Variants in LRRIQ1 observed in about 807,000 individuals in gnomAD.
LRRIQ1 encodes the protein leucine rich repeats and IQ motif containing 1, also known as leucine-rich repeat- and IQ domain-containing protein 1.
In LRRIQ1, 210 loss-of-function variants were observed where a neutral mutation model predicts 211.9. The observed-to-expected ratio is 0.99, with a 90% CI of 0.89 to 1.11. The LOEUF (loss-of-function observed/expected upper bound fraction) is 1.11, where lower values mean the gene tolerates loss of function less well. Among genes scored for constraint, LRRIQ1 ranks in the 50% most tolerant of loss-of-function variants. The probability of loss-of-function intolerance (pLI) is 0.00; values close to 1 mark genes in which losing one functional copy is unlikely to be tolerated. For missense variants in LRRIQ1, 2,136 were observed against 1,939.5 expected, an observed-to-expected ratio of 1.10 and a Z score of -1.90; for synonymous variants, 699 against 650.1, an observed-to-expected ratio of 1.08 and a Z score of -1.14.
At chr12:85,085,488 C>T (rs558902924) in intron 11 of LRRIQ1, among the ~76,000 whole-genome samples, 3 of 152,244 alleles carry the variant, frequency 2.0e-5, no homozygotes, top group East Asian at 1.9e-4. Context: ...GTTTGTTACA[C>T]GGGTAAATGG....
chr12:85,267,537 A>C (rs1390587362), downstream of LRRIQ1, among the ~76,000 whole-genome samples: 1 of 152,108 alleles, frequency 6.6e-6, no homozygotes, highest in Non-Finnish European at 1.5e-5. Flanking sequence ...TATGGATGTG[A>C]GGTTTTCTCC....
chr12:85,053,763 A>G (rs1242961533), intron 7 of LRRIQ1, among the ~76,000 whole-genome samples: 1 of 152,176 alleles, frequency 6.6e-6, no homozygotes, highest in Non-Finnish European at 1.5e-5. Context: ...GCTGGAGTGC[A>G]GTGGCGCCAT....
intron 8 of LRRIQ1, 70 bp from the exon 9 acceptor site, chr12:85,065,192 A>G (rs1882299292): frequency 7.9e-7 from 1 of 1,258,220 alleles, no homozygotes; most frequent in African/African-American, 1.5e-5. Context: ...ACAGTTTTGT[A>G]AGGCTAATAT....
At chr12:85,099,095 ATGAGAT>A in intron 13 of LRRIQ1, 101 bp downstream of exon 13, 1 of 659,254 alleles carries the variant, frequency 1.5e-6, no homozygotes. Context: ...TAATAATTCA[ATGAGAT>A]TGCATCAAAA....
rs1051164580 is a variant in LRRIQ1, at chr12:85,244,644, C to G, written c.5017-145C>G. The G allele has an allele frequency of 5.6e-6, 4 of 715,342 alleles. No homozygotes were observed. The Admixed American group carries it at 9.2e-5, about 16-fold the overall frequency. The allele number at this position is 715,342 out of a possible 1,614,324, so 44.3% of individuals were successfully genotyped here. On this transcript the variant is annotated intron_variant, in intron 26 of 26. Transcript: ENST00000393217. Reference sequence around the variant, plus strand: ...CTTTGACATAGTGCATTTGTTCTGCCTGGGCAGCAATAAAGGATTGTGGTA... The same window carrying G: ...CTTTGACATAGTGCATTTGTTCTGCGTGGGCAGCAATAAAGGATTGTGGTA...
At chr12:85,135,399 G>A (rs972245258) in intron 18 of LRRIQ1, among the ~76,000 whole-genome samples, 1 of 151,452 alleles carries the variant, frequency 6.6e-6, no homozygotes, top group African/African-American at 2.4e-5. Flanking sequence ...TCTCTTTAAG[G>A]AATATTACTG....
intron 23 of LRRIQ1, among the ~76,000 whole-genome samples, chr12:85,159,836 A>G (rs925180117): frequency 3.3e-5 from 5 of 151,902 alleles, no homozygotes; most frequent in Non-Finnish European, 5.9e-5. Context: ...ATTCTTACTG[A>G]TAGTTCATAT....
intron 11 of LRRIQ1, among the ~76,000 whole-genome samples, chr12:85,074,175 A>T (rs549408824): frequency 6.6e-6 from 1 of 152,188 alleles, no homozygotes; most frequent in African/African-American, 2.4e-5. Context: ...AGAATAGTGA[A>T]TGTATCAATC....
chr12:85,051,105 A>G (rs1411845025), intron 6 of LRRIQ1, among the ~76,000 whole-genome samples: 1 of 152,016 alleles, frequency 6.6e-6, no homozygotes, highest in East Asian at 1.9e-4. Context: ...TCCCCATAGT[A>G]ATGACTGAGT....
chr12:85,164,797 G>C (rs1891069671), intron 24 of LRRIQ1, among the ~76,000 whole-genome samples: 1 of 151,986 alleles, frequency 6.6e-6, no homozygotes, highest in South Asian at 2.1e-4. Context: ...AATAAAGCTT[G>C]CAAAATCAAA....
At chr12:85,061,146 A>G (rs1406609024) in intron 8 of LRRIQ1, among the ~76,000 whole-genome samples, 1 of 151,762 alleles carries the variant, frequency 6.6e-6, no homozygotes, top group Non-Finnish European at 1.5e-5. Flanking sequence ...TCATTTATTT[A>G]TTTTAAGAAA....
At chr12:85,246,905 A>C (rs1436131105), downstream of LRRIQ1, among the ~76,000 whole-genome samples, 1 of 151,474 alleles carries the variant, frequency 6.6e-6, no homozygotes, top group Non-Finnish European at 1.5e-5. Context: ...CTCTGAGGTC[A>C]ATTTGCCTGG....
chr12:85,177,261 G>T (rs1330977940), intron 24 of LRRIQ1, among the ~76,000 whole-genome samples: 1 of 151,998 alleles, frequency 6.6e-6, no homozygotes, highest in Non-Finnish European at 1.5e-5. Context: ...AAAAGATGAG[G>T]GTACAGTGAT....
intron 11 of LRRIQ1, among the ~76,000 whole-genome samples, chr12:85,077,816 A>T (rs960925642): frequency 7.9e-5 from 12 of 151,842 alleles, no homozygotes; most frequent in African/African-American, 2.4e-4. Context: ...TACTAAAAAT[A>T]AAAAAATAAA....
At chr12:85,043,129 A>T (rs1879101167) in intron 3 of LRRIQ1, among the ~76,000 whole-genome samples, 1 of 152,086 alleles carries the variant, frequency 6.6e-6, no homozygotes, top group Admixed American at 6.6e-5. Flanking sequence ...TTATTTTTAT[A>T]AGGAGAGATG....
At chr12:85,070,869 A>G (rs758086978) in intron 10 of LRRIQ1, among the ~76,000 whole-genome samples, 37 of 152,068 alleles carry the variant, frequency 2.4e-4, no homozygotes, top group Non-Finnish European at 4.6e-4. Context: ...CACTATTACT[A>G]TTTATAATAT....
downstream of LRRIQ1, among the ~76,000 whole-genome samples, chr12:85,265,073 A>G (rs866134206): frequency 4.6e-5 from 7 of 152,186 alleles, no homozygotes; most frequent in Middle Eastern, 3.4e-3. Flanking sequence ...CCAAGGTCCA[A>G]TCCACCAACA....
intron 18 of LRRIQ1, among the ~76,000 whole-genome samples, chr12:85,133,151 A>G (rs1473804166): frequency 6.6e-6 from 1 of 152,202 alleles, no homozygotes; most frequent in Non-Finnish European, 1.5e-5. Flanking sequence ...TCACATGCTT[A>G]TCATTGTGTT....
chr12:85,271,525 T>C, the LRRIQ1 span, among the ~76,000 whole-genome samples: 3 of 152,134 alleles, frequency 2.0e-5, no homozygotes, highest in Admixed American at 1.3e-4. Flanking sequence ...CAAAATAGCT[T>C]CATATTATTA....
Sources: gnomAD v4.1 joint callset for allele counts (sites outside exome capture counted in the v4.1 genomes callset) on GRCh38, gnomAD v4.1.1 for gene constraint, MANE v1.5 for transcripts, NCBI Gene and HGNC (gene_info 2026-07-23, HGNC 2026-07-21) for gene names.